Variants in RAB9B observed in about 807,000 individuals in gnomAD.
The protein encoded by RAB9B is ras-related protein Rab-9B.
Under a neutral mutation model 8.9 loss-of-function variants are expected in RAB9B, and 1 was observed. The ratio of observed to expected loss-of-function variants is 0.11; its 90% CI spans 0.04 to 0.53. The LOEUF (loss-of-function observed/expected upper bound fraction) is 0.53. Ranked by LOEUF, RAB9B falls within the 20% of genes least tolerant of loss-of-function variation. The pLI is 0.93. For missense variants in RAB9B, 82 were observed against 152.9 expected (o/e 0.54, Z 2.45); for synonymous variants, 63 against 57.0 (o/e 1.10, Z -0.47).
At chrX:103,807,699 G>A in the RAB9B span, among the ~76,000 whole-genome samples, 3 of 103,507 alleles carry the variant, frequency 2.9e-5, no homozygotes, top group South Asian at 1.4e-3. Flanking sequence ...CCAAGGGGAG[G>A]AAGAGATGCA....
chrX:103,800,812 T>C, the RAB9B span, among the ~76,000 whole-genome samples: 2 of 111,894 alleles, frequency 1.8e-5, no homozygotes, highest in African/African-American at 6.5e-5. Flanking sequence ...TTGATATCGT[T>C]CACTATCTTT....
the RAB9B span, among the ~76,000 whole-genome samples, chrX:103,782,520 T>C: frequency 1.8e-5 from 2 of 112,131 alleles, no homozygotes; most frequent in Non-Finnish European, 3.8e-5. Flanking sequence ...TGGATGATGA[T>C]TGAGGGATCA....
chrX:103,791,013 C>T, the RAB9B span: 1 of 189,904 alleles, frequency 5.3e-6, no homozygotes, highest in Non-Finnish European at 9.7e-6. Context: ...GTCCTCTTGC[C>T]ATCTATAGGG....
Position 103,824,957 on chromosome X carries a change from C to T in RAB9B, c.*222G>A. 3 of 332,875 alleles carry T rather than the reference C, an allele frequency of 9.0e-6. No homozygotes were observed. The highest frequency in any genetic ancestry group is 1.0e-5 in the Non-Finnish European group (2 of 197,305). 27.4% of individuals were successfully genotyped at this position (332,875 alleles called of 1,213,427 possible). A position where few individuals can be genotyped will look rare whatever the true frequency, so the allele number is the denominator to read the frequency against. On this transcript the variant is annotated 3_prime_UTR_variant, in exon 3 of 3. Coordinates refer to ENST00000243298, the MANE Select transcript of RAB9B (RefSeq NM_016370.4). The stretch of plus-strand genomic sequence containing the variant: ...TGAGACACACAAGAAGGGGAAATAG[C>T]AGAAATCACGCAAAATACACTTGGC...
the RAB9B span, chrX:103,789,445 G>A: frequency 5.3e-6 from 5 of 946,390 alleles, no homozygotes; most frequent in Non-Finnish European, 7.7e-6. Context: ...GCCTGAGATA[G>A]TGTGGGTACA....
chrX:103,795,445 A>G, the RAB9B span, among the ~76,000 whole-genome samples: 5 of 111,652 alleles, frequency 4.5e-5, no homozygotes, highest in Non-Finnish European at 9.4e-5. Context: ...TCTTTCAAGC[A>G]TCAAAGGGGC....
intron 1 of RAB9B, among the ~76,000 whole-genome samples, chrX:103,827,815 C>T (rs767136029): frequency 2.7e-5 from 3 of 110,709 alleles, no homozygotes; most frequent in Non-Finnish European, 5.7e-5. Flanking sequence ...TACGGGCATG[C>T]ACCACCATGC....
chrX:103,785,987 G>A, the RAB9B span: 14 of 245,215 alleles, frequency 5.7e-5, no homozygotes, highest in African/African-American at 3.2e-4. Context: ...TCCCACCCCC[G>A]CCCCCTTGTT....
the RAB9B span, among the ~76,000 whole-genome samples, chrX:103,812,674 G>A: frequency 8.9e-6 from 1 of 111,914 alleles, no homozygotes. Context: ...CCTTTTGGGA[G>A]GAGCAACAAG....
At chrX:103,786,869 GA>G in the RAB9B span, 1 of 623,890 alleles carries the variant, frequency 1.6e-6, no homozygotes, top group Non-Finnish European at 2.6e-6. Context: ...AGCCGAACGA[GA>G]AGGTCAGGAA....
chrX:103,793,189 T>C, the RAB9B span, among the ~76,000 whole-genome samples: 3 of 111,900 alleles, frequency 2.7e-5, no homozygotes, highest in Non-Finnish European at 5.6e-5. Context: ...TAAAATAAAT[T>C]AGTGACACCT....
intron 1 of RAB9B, among the ~76,000 whole-genome samples, chrX:103,829,751 C>T (rs1333052808): frequency 8.9e-6 from 1 of 112,264 alleles, no homozygotes; most frequent in East Asian, 2.8e-4. Flanking sequence ...TGTCATTATA[C>T]TGACTTATTT....
rs1292337705 is a variant in RAB9B, at chrX:103,824,132, A to G, written c.*1047T>C. Reference sequence around the variant, plus strand: ...GGGAAATTCATTCTAACACTGGGTTAAGATCTGCTCTTCTGTCACTTTCAA... The same window carrying G: ...GGGAAATTCATTCTAACACTGGGTTGAGATCTGCTCTTCTGTCACTTTCAA... On this transcript the variant is annotated 3_prime_UTR_variant, in exon 3 of 3. Transcript: ENST00000243298. 3 of 112,474 alleles carry G rather than the reference A, an allele frequency of 2.7e-5. No individual in the cohort carries two copies. Among genetic ancestry groups the G allele is most frequent in the African/African-American group, 9.7e-5 (3 of 30,962 alleles). 9.3% of individuals were successfully genotyped at this position (112,474 alleles called of 1,213,427 possible). A position where few individuals can be genotyped will look rare whatever the true frequency, so the allele number is the denominator to read the frequency against.
At chrX:103,800,299 T>A in the RAB9B span, among the ~76,000 whole-genome samples, 6 of 107,445 alleles carry the variant, frequency 5.6e-5, no homozygotes, top group African/African-American at 2.0e-4. Context: ...TTATGATTCC[T>A]GATGTGTTTT....
intron 1 of RAB9B, among the ~76,000 whole-genome samples, chrX:103,829,525 C>A (rs2074695737): frequency 8.9e-6 from 1 of 112,110 alleles, no homozygotes; most frequent in Non-Finnish European, 1.9e-5. Context: ...CTCATTTTGG[C>A]CCACAATTTC....
At chrX:103,786,440 C>A in the RAB9B span, 1 of 1,201,271 alleles carries the variant, frequency 8.3e-7, no homozygotes, top group Admixed American at 2.2e-5. Flanking sequence ...ATTCCCTGGT[C>A]TCGTTTGTCT....
At chrX:103,778,668 G>A in the RAB9B span, among the ~76,000 whole-genome samples, 265 of 111,790 alleles carry the variant, frequency 2.4e-3, 3 homozygotes, top group African/African-American at 8.2e-3. Context: ...CACGATTGAG[G>A]ATGCACATTG....
In RAB9B at chrX:103,825,953, T is replaced by C. The variant is rs151317660; in HGVS notation, c.-42-127A>G. On this transcript the variant is annotated intron_variant, in intron 2 of 2. Transcript: ENST00000243298. Reference sequence around the variant, plus strand: ...TCTCTGATTTATGCTCATTAATTGATGTAGTACAGCAGAAGAAATAACACT... The same window carrying C: ...TCTCTGATTTATGCTCATTAATTGACGTAGTACAGCAGAAGAAATAACACT... The C allele has an allele frequency of 1.2e-3, 592 of 482,600 alleles. 2 individuals are homozygous for C. In the African/African-American group the frequency reaches 0.013, roughly 10 times the overall value. The allele number at this position is 482,600 out of a possible 1,213,427, so 39.8% of individuals were successfully genotyped here.
the RAB9B span, chrX:103,780,963 G>A: frequency 6.8e-6 from 1 of 146,500 alleles, no homozygotes; most frequent in Admixed American, 7.3e-5. Flanking sequence ...GTGCAGATTC[G>A]AGACCTAGGG....
Sources: allele counts gnomAD v4.1 joint callset (sites outside exome capture counted in the v4.1 genomes callset), GRCh38; gene constraint gnomAD v4.1.1; transcripts MANE v1.5; gene names NCBI Gene and HGNC (gene_info 2026-07-23, HGNC 2026-07-21).